CLIC2: variants seen among roughly 807,000 people sequenced by gnomAD.
The protein encoded by CLIC2 is chloride intracellular channel protein 2.
In CLIC2, 9 loss-of-function variants were observed where a neutral mutation model predicts 14.8. The observed-to-expected ratio is 0.61, with a 90% confidence interval of 0.37 to 1.06. The LOEUF (loss-of-function observed/expected upper bound fraction) is 1.06. CLIC2 is among the 50% of genes least tolerant of loss of function. The pLI is 0.01. For synonymous variants in CLIC2, 61 were observed against 66.3 expected (o/e 0.92, Z 0.39); for missense variants, 148 against 181.4 (o/e 0.82, Z 1.06).
At chrX:155,304,906 A>C (rs1557319758) in intron 1 of CLIC2, among the ~76,000 whole-genome samples, 1 of 102,109 alleles carries the variant, frequency 9.8e-6, no homozygotes, top group Non-Finnish European at 2.0e-5. Context: ...GTCAGGGGTC[A>C]GGGACCCACT....
intron 1 of CLIC2, among the ~76,000 whole-genome samples, chrX:155,310,811 G>A (rs782490411): frequency 8.0e-5 from 9 of 112,624 alleles, no homozygotes; most frequent in Non-Finnish European, 1.5e-4. Context: ...CTAGGCACAG[G>A]TTCCCAAACC....
chrX:155,291,535 A>C (rs1557317616), intron 3 of CLIC2, among the ~76,000 whole-genome samples: 1 of 112,013 alleles, frequency 8.9e-6, no homozygotes, highest in African/African-American at 3.2e-5. Flanking sequence ...TGCTCTGGCT[A>C]GAACTTCCAA....
At chrX:155,308,163 A>T (rs1557320202) in intron 1 of CLIC2, among the ~76,000 whole-genome samples, 1 of 110,246 alleles carries the variant, frequency 9.1e-6, no homozygotes, top group Non-Finnish European at 1.9e-5. Context: ...CTAAAAAAAA[A>T]TTGAGATAAC....
At chrX:155,280,375 C>T (rs2074914288) in intron 3 of CLIC2, among the ~76,000 whole-genome samples, 1 of 112,199 alleles carries the variant, frequency 8.9e-6, no homozygotes, top group African/African-American at 3.2e-5. Flanking sequence ...CAGTACAATA[C>T]ATTTGCAGAC....
At chrX:155,291,062 T>C (rs1253360883) in intron 3 of CLIC2, 1 of 805,059 alleles carries the variant, frequency 1.2e-6, no homozygotes, top group Non-Finnish European at 1.9e-6. Flanking sequence ...CCAGAGTTGC[T>C]CTTGTTGCTG....
At chrX:155,298,982 T>C (rs2075005002) in intron 2 of CLIC2, 54 bp downstream of exon 2, 9 of 1,164,053 alleles carry the variant, frequency 7.7e-6, no homozygotes, top group South Asian at 1.8e-5. Flanking sequence ...CAATATTTTA[T>C]TGGTATCTAC....
chrX:155,328,742 A>G (rs2075146899), intron 1 of CLIC2, among the ~76,000 whole-genome samples: 1 of 111,064 alleles, frequency 9.0e-6, no homozygotes, highest in Non-Finnish European at 1.9e-5. Context: ...GAGCTATAGT[A>G]ACCAAAATGG....
At chrX:155,306,825 G>A (rs2075057434) in intron 1 of CLIC2, among the ~76,000 whole-genome samples, 1 of 111,047 alleles carries the variant, frequency 9.0e-6, no homozygotes, top group African/African-American at 3.3e-5. Flanking sequence ...GCAGCACTAA[G>A]CCATGAGAGG....
rs1247496547 is a variant in CLIC2 at position 155,292,332 on chromosome X, G to GAAGTGATTGTTTTA, written c.293+6439_293+6452dup. 163 of 563,022 alleles carry GAAGTGATTGTTTTA rather than the reference G, an allele frequency of 2.9e-4. No homozygotes were observed. In the African/African-American group the frequency reaches 3.0e-3, roughly 10 times the overall value. 46.4% of individuals were successfully genotyped at this position (563,022 alleles called of 1,213,427 possible). A position where few individuals can be genotyped will look rare whatever the true frequency, so the allele number is the denominator to read the frequency against. On this transcript the variant is annotated intron_variant, in intron 3 of 5. Coordinates refer to ENST00000369449, the MANE Select transcript of CLIC2 (RefSeq NM_001289.6). ...ACTCTAGGTTTAACTGAGCAGTGAT[G>GAAGTGATTGTTTTA]AAGTGATTGTTTTAACGATAAAGGA... is the stretch of plus-strand genomic sequence containing the variant.
At chrX:155,311,567 G>C (rs1385271638) in intron 1 of CLIC2, among the ~76,000 whole-genome samples, 1 of 111,738 alleles carries the variant, frequency 8.9e-6, no homozygotes, top group African/African-American at 3.3e-5. Flanking sequence ...CTTCTTCTGA[G>C]CCCTCCCATG....
At chrX:155,327,752 T>G (rs2075143474) in intron 1 of CLIC2, among the ~76,000 whole-genome samples, 1 of 111,254 alleles carries the variant, frequency 9.0e-6, no homozygotes, top group Admixed American at 9.6e-5. Context: ...ATAACAAATC[T>G]GCACATGTAC....
At chrX:155,310,891 G>A (rs1423795049) in intron 1 of CLIC2, among the ~76,000 whole-genome samples, 2 of 112,730 alleles carry the variant, frequency 1.8e-5, no homozygotes, top group African/African-American at 6.4e-5. Flanking sequence ...GGGCTTGCAT[G>A]CTCTGTAGCC....
At chrX:155,306,052 A>G (rs2124191441) in intron 1 of CLIC2, among the ~76,000 whole-genome samples, 1 of 111,559 alleles carries the variant, frequency 9.0e-6, no homozygotes, top group South Asian at 3.7e-4. Flanking sequence ...AGTATTTTTA[A>G]ATTTTTACAA....
chrX:155,279,385 A>G (rs886148398), intron 4 of CLIC2, 55 bp from the exon 5 acceptor site: 27 of 939,411 alleles, frequency 2.9e-5, no homozygotes, highest in Admixed American at 6.6e-5. Context: ...TTGACTAAAT[A>G]CATTCTAAAT....
chrX:155,299,206 C>CTATT (rs2075005877), intron 1 of CLIC2, 61 bp from the exon 2 acceptor site: 1 of 922,527 alleles, frequency 1.1e-6, no homozygotes, highest in East Asian at 3.1e-5. Context: ...TATTTAGTTC[C>CTATT]TAATAGGAAA....
intron 3 of CLIC2, among the ~76,000 whole-genome samples, chrX:155,280,765 G>A (rs1359958834): frequency 9.1e-6 from 1 of 110,397 alleles, no homozygotes; most frequent in Non-Finnish European, 1.9e-5. Flanking sequence ...GAATAAATAG[G>A]ATGGAGAAAA....
intron 1 of CLIC2, among the ~76,000 whole-genome samples, chrX:155,305,108 C>G (rs1474526817): frequency 8.9e-6 from 1 of 112,282 alleles, no homozygotes; most frequent in Non-Finnish European, 1.9e-5. Context: ...TGGGCTCCAC[C>G]CAGTTCGAGC....
chrX:155,314,499 G>A (rs1265493776), intron 1 of CLIC2, among the ~76,000 whole-genome samples: 2 of 111,785 alleles, frequency 1.8e-5, no homozygotes, highest in Non-Finnish European at 3.8e-5. Flanking sequence ...ACCGCAGTTC[G>A]GCTCTCAGGA....
chrX:155,305,949 C>T (rs782433635), intron 1 of CLIC2, among the ~76,000 whole-genome samples: 47 of 111,923 alleles, frequency 4.2e-4, no homozygotes, highest in Non-Finnish European at 6.8e-4. Context: ...TTTTCTATCA[C>T]GTTTTCTTCT....
Sources: gnomAD v4.1 joint callset for allele counts (sites outside exome capture counted in the v4.1 genomes callset) on GRCh38, gnomAD v4.1.1 for gene constraint, MANE v1.5 for transcripts, NCBI Gene and HGNC (gene_info 2026-07-23, HGNC 2026-07-21) for gene names.